Variants in JMY observed in about 807,000 individuals in gnomAD.
JMY encodes the protein junction-mediating and -regulatory protein.
JMY carries 46 observed loss-of-function variants against 103.3 expected under a neutral mutation model. The ratio of observed to expected loss-of-function variants is 0.45; its 90% CI spans 0.35 to 0.57. JMY has a LOEUF of 0.57. Ranked by LOEUF, JMY falls within the 20% of genes least tolerant of loss-of-function variation. The pLI, the probability that JMY is intolerant of heterozygous loss-of-function variation, is 0.00. For synonymous variants in JMY, 526 were observed against 489.3 expected, an observed-to-expected ratio of 1.07 and a Z score of -0.99; for missense variants, 1,238 against 1,255.2, an observed-to-expected ratio of 0.99 and a Z score of 0.21.
At chr5:79,291,956 A>AT (rs952848326) in intron 4 of JMY, among the ~76,000 whole-genome samples, 3 of 152,142 alleles carry the variant, frequency 2.0e-5, no homozygotes, top group Non-Finnish European at 2.9e-5. Flanking sequence ...TAAAATATGT[A>AT]TTTTTTTGGC....
At chr5:79,279,008 A>C (rs1437493507) in intron 2 of JMY, among the ~76,000 whole-genome samples, 1 of 152,048 alleles carries the variant, frequency 6.6e-6, no homozygotes, top group African/African-American at 2.4e-5. Context: ...AAATACATGA[A>C]ATTTTTTATT....
chr5:79,267,387 A>G (rs1351557177), intron 1 of JMY, among the ~76,000 whole-genome samples: 1 of 152,054 alleles, frequency 6.6e-6, no homozygotes, highest in Non-Finnish European at 1.5e-5. Flanking sequence ...CCATCTGTTC[A>G]TTGGAGTGCT....
At position 79,316,184 on chromosome 5, in the gene JMY, A is replaced by C. The variant is rs765384182; in HGVS notation, c.2844A>C (p.Thr948=). The part of the protein sequence containing the change: ...VQKDVLRESF[T]LLPDTDPLTR... ...AGGATGTTTTGAGAGAATCCTTCACACTTCTACCCGATACAGACCCTCTAA... is the reference window on the plus strand; with the variant it reads ...AGGATGTTTTGAGAGAATCCTTCACCCTTCTACCCGATACAGACCCTCTAA... The change falls in exon 10 of 11, where the codon ACA becomes ACC. Residue 948 remains threonine (T), a synonymous_variant. Coordinates refer to ENST00000396137, the MANE Select transcript of JMY (RefSeq NM_152405.5). The C allele has an allele frequency of 1.9e-6, 3 of 1,614,172 alleles. No homozygotes were observed. The highest frequency in any genetic ancestry group is 1.7e-6 in the Non-Finnish European group (2 of 1,179,990).
At chr5:79,278,785 G>A (rs1746022470) in intron 2 of JMY, among the ~76,000 whole-genome samples, 1 of 145,176 alleles carries the variant, frequency 6.9e-6, no homozygotes, top group African/African-American at 2.5e-5. Context: ...AAAGTTTTGG[G>A]AACATTTCTT....
At chr5:79,273,950 C>G (rs973242872) in intron 1 of JMY, among the ~76,000 whole-genome samples, 9 of 152,112 alleles carry the variant, frequency 5.9e-5, no homozygotes, top group Non-Finnish European at 1.0e-4. Flanking sequence ...TCTGCCTCAG[C>G]CTCCCGAGTA....
intron 2 of JMY, chr5:79,285,067 A>T: frequency 1.8e-6 from 1 of 563,650 alleles, no homozygotes; most frequent in Non-Finnish European, 3.1e-6. Flanking sequence ...AACCATAAGC[A>T]CTTCAGACAG....
intron 4 of JMY, among the ~76,000 whole-genome samples, chr5:79,298,643 TTAGA>T (rs1024059619): frequency 3.9e-5 from 6 of 152,244 alleles, no homozygotes; most frequent in Non-Finnish European, 8.8e-5. Context: ...AGTCTTACAC[TTAGA>T]TAATCTATTA....
intron 10 of JMY, among the ~76,000 whole-genome samples, chr5:79,317,236 T>C (rs1747259716): frequency 6.6e-6 from 1 of 152,160 alleles, no homozygotes. Context: ...AAAAAACTAC[T>C]TATTGTCACA....
intron 9 of JMY, among the ~76,000 whole-genome samples, 162 bp from the exon 10 acceptor site, chr5:79,315,837 TC>T (rs2112121606): frequency 6.6e-6 from 1 of 152,336 alleles, no homozygotes; most frequent in East Asian, 1.9e-4. Context: ...ATAATTAGGA[TC>T]CCTTGTGTTC....
At chr5:79,285,909 C>A (rs1365709057) in intron 2 of JMY, among the ~76,000 whole-genome samples, 1 of 152,170 alleles carries the variant, frequency 6.6e-6, no homozygotes, top group Non-Finnish European at 1.5e-5. Context: ...AATAATTCCA[C>A]GTCAGGTAAT....
intron 1 of JMY, among the ~76,000 whole-genome samples, chr5:79,263,904 T>TA (rs1745500997): frequency 6.6e-6 from 1 of 151,692 alleles, no homozygotes; most frequent in African/African-American, 2.4e-5. Context: ...TGCAAGCAAT[T>TA]CTCCTGCCTC....
chr5:79,324,514 TTAA>T lies in JMY; in HGVS notation c.*2914_*2916del, dbSNP rs1747567753. ...TAAATGAGTTTGGGACATTTTGAGA[TTAA>T]TGTTACTGCCCACTTGACTGTCAAT... is the stretch of plus-strand genomic sequence containing the variant. On this transcript the variant is annotated 3_prime_UTR_variant, in exon 11 of 11. Coordinates refer to ENST00000396137, the MANE Select transcript of JMY (RefSeq NM_152405.5). 6.6e-6 allele frequency: 1 copy of T among 152,212 alleles called. No individual in the cohort carries two copies. The highest frequency in any genetic ancestry group is 2.4e-5 in the African/African-American group (1 of 41,466). 9.4% of individuals were successfully genotyped at this position (152,212 alleles called of 1,614,324 possible). A position where few individuals can be genotyped will look rare whatever the true frequency, so the allele number is the denominator to read the frequency against.
intron 1 of JMY, among the ~76,000 whole-genome samples, chr5:79,252,825 ATG>A (rs1405380872): frequency 6.6e-6 from 1 of 152,148 alleles, no homozygotes; most frequent in Admixed American, 6.6e-5. Flanking sequence ...TCATAGGTGA[ATG>A]TGTTTCTTGT....
chr5:79,251,957 G>A (rs1435400405), intron 1 of JMY, among the ~76,000 whole-genome samples: 4 of 151,772 alleles, frequency 2.6e-5, no homozygotes, highest in Admixed American at 2.6e-4. Flanking sequence ...TGTATTTTTA[G>A]TAGAGATGGG....
At chr5:79,267,708 C>G (rs991577122) in intron 1 of JMY, among the ~76,000 whole-genome samples, 2 of 152,228 alleles carry the variant, frequency 1.3e-5, no homozygotes, top group Admixed American at 6.5e-5. Context: ...GGCCACAGTG[C>G]CCACCCAGCT....
At chr5:79,278,947 G>C (rs1212862516) in intron 2 of JMY, among the ~76,000 whole-genome samples, 2 of 152,046 alleles carry the variant, frequency 1.3e-5, no homozygotes, top group African/African-American at 4.8e-5. Flanking sequence ...GGGAACATTT[G>C]TTTTAGAAGA....
chr5:79,295,750 G>A (rs1746546938), intron 4 of JMY, among the ~76,000 whole-genome samples: 1 of 152,138 alleles, frequency 6.6e-6, no homozygotes, highest in Non-Finnish European at 1.5e-5. Flanking sequence ...AGCTGAGGTG[G>A]GGTTTTTGAG....
intron 1 of JMY, 121 bp downstream of exon 1, chr5:79,237,803 G>A: frequency 2.5e-6 from 2 of 814,408 alleles, no homozygotes; most frequent in Non-Finnish European, 1.9e-6. Context: ...TGGACAAGCG[G>A]AAACCAAGAG....
chr5:79,242,030 TGCTTTA>T (rs1744757226), intron 1 of JMY, among the ~76,000 whole-genome samples: 1 of 152,214 alleles, frequency 6.6e-6, no homozygotes, highest in East Asian at 1.9e-4. Context: ...TTAACTGTGG[TGCTTTA>T]GATAGTAAAC....
Sources: allele counts gnomAD v4.1 joint callset (sites outside exome capture counted in the v4.1 genomes callset), GRCh38; gene constraint gnomAD v4.1.1; transcripts MANE v1.5; gene names NCBI Gene and HGNC (gene_info 2026-07-23, HGNC 2026-07-21).